The following SOX5 variants were observed in gnomAD, a reference collection of about 807,000 sequenced individuals.
SOX5 encodes the protein SRY-box transcription factor 5.
In SOX5, 9 loss-of-function variants were observed where a neutral mutation model predicts 92.0. The ratio of observed to expected loss-of-function variants is 0.10; its 90% CI spans 0.06 to 0.17. SOX5 has a LOEUF of 0.17. Among genes scored for constraint, SOX5 ranks in the 10% least tolerant of loss-of-function variants. The probability of loss-of-function intolerance (pLI) is 1.00; values close to 1 mark genes in which losing one functional copy is unlikely to be tolerated. For synonymous variants in SOX5, 344 were observed against 336.3 expected (o/e 1.02, Z -0.25); for missense variants, 642 against 944.5 (o/e 0.68, Z 4.20).
chr12:24,449,546 C>T (rs1941969140), intron 1 of SOX5, among the ~76,000 whole-genome samples: 1 of 152,180 alleles, frequency 6.6e-6, no homozygotes. Context: ...CTTTGTGTTG[C>T]TTTTGTCTGT....
intron 2 of SOX5, among the ~76,000 whole-genome samples, chr12:23,851,640 T>C (rs147350172): frequency 3.9e-5 from 6 of 152,208 alleles, no homozygotes; most frequent in South Asian, 2.1e-4. Context: ...GTCTGAAACA[T>C]AGCTAATTGT....
intron 13 of SOX5, among the ~76,000 whole-genome samples, chr12:23,538,949 C>A (rs770634957): frequency 1.3e-5 from 2 of 151,428 alleles, no homozygotes; most frequent in African/African-American, 4.9e-5. Flanking sequence ...TACAGGCGCC[C>A]GCCACCACGC....
In SOX5 at chr12:24,054,151, C is replaced by T. The variant is rs183428456; in HGVS notation, c.-1-158127G>A. On this transcript the variant is annotated intron_variant, in intron 4 of 4. Coordinates refer to the SOX5 transcript ENST00000446891. ...TAGGGAATTTGTTCTTCTAGAGCAG[C>T]GGATATCAAACTTCTTTAAAGCTGT... is the stretch of plus-strand genomic sequence containing the variant. 1.9e-4 allele frequency among the ~76,000 whole-genome samples: 29 copies of T among 152,272 alleles called. No homozygotes were observed. The East Asian group carries it at 4.4e-3, about 23-fold the overall frequency.
At chr12:23,686,495 T>C (rs747731224) in intron 6 of SOX5, among the ~76,000 whole-genome samples, 48 of 152,212 alleles carry the variant, frequency 3.2e-4, no homozygotes, top group African/African-American at 1.1e-3. Flanking sequence ...GCAATGCCAA[T>C]TGGCGACTCT....
At chr12:24,208,436 CCT>C (rs1162333762) in intron 4 of SOX5, among the ~76,000 whole-genome samples, 1 of 152,240 alleles carries the variant, frequency 6.6e-6, no homozygotes, top group Admixed American at 6.5e-5. Context: ...TTTTGTATCC[CCT>C]GTGTTGCATC....
At chr12:24,445,363 CA>C (rs200931698) in intron 1 of SOX5, among the ~76,000 whole-genome samples, 1 of 151,364 alleles carries the variant, frequency 6.6e-6, no homozygotes, top group African/African-American at 2.4e-5. Flanking sequence ...TGAAAGAGAG[CA>C]AAAAAAGGAG....
chr12:23,703,301 A>G (rs2090924958), intron 6 of SOX5, among the ~76,000 whole-genome samples: 1 of 152,050 alleles, frequency 6.6e-6, no homozygotes, highest in African/African-American at 2.4e-5. Flanking sequence ...TATGTGGAAG[A>G]TAACATTGTA....
intron 3 of SOX5, 124 bp downstream of exon 3, chr12:23,845,859 A>G: frequency 6.7e-6 from 5 of 748,364 alleles, no homozygotes; most frequent in Non-Finnish European, 1.1e-5. Context: ...TCTTCATAGC[A>G]ATAGGTTTCC....
intron 3 of SOX5, among the ~76,000 whole-genome samples, chr12:24,218,457 G>C (rs1959575935): frequency 6.6e-6 from 1 of 152,112 alleles, no homozygotes; most frequent in Non-Finnish European, 1.5e-5. Context: ...CAGATCAACG[G>C]CTACCTAGAG....
At chr12:24,120,207 T>A (rs1387382532) in intron 4 of SOX5, among the ~76,000 whole-genome samples, 1 of 152,206 alleles carries the variant, frequency 6.6e-6, no homozygotes, top group East Asian at 1.9e-4. Context: ...GAGTCACAGA[T>A]ATACATTCAT....
Position 24,409,223 on chromosome 12 carries a change from G to A in SOX5, c.-250-40584C>T, listed in dbSNP as rs541349894. Among the ~76,000 whole-genome samples, 1,020 of 152,248 alleles carry A rather than the reference G, an allele frequency of 6.7e-3. 5 individuals carry two copies. The highest frequency in any genetic ancestry group is 9.5e-3 in the Non-Finnish European group (645 of 68,030). On this transcript the variant is annotated intron_variant, in intron 1 of 4. Coordinates refer to the SOX5 transcript ENST00000446891. Reference sequence around the variant, plus strand: ...CATCATCCTTAGCAAACTAACACAGGAACAGAAAACCAAACACCACCCACC... The same window carrying A: ...CATCATCCTTAGCAAACTAACACAGAAACAGAAAACCAAACACCACCCACC...
chr12:23,921,851 A>C (rs1051051774), intron 1 of SOX5, among the ~76,000 whole-genome samples: 2 of 152,236 alleles, frequency 1.3e-5, no homozygotes, highest in Non-Finnish European at 2.9e-5. Flanking sequence ...AGCCACTAGC[A>C]GAATCCAAAC....
At chr12:24,522,463 A>G (rs1287414790) in intron 1 of SOX5, among the ~76,000 whole-genome samples, 1 of 152,222 alleles carries the variant, frequency 6.6e-6, no homozygotes, top group East Asian at 1.9e-4. Context: ...AGATATCACA[A>G]CACCACAAGA....
At chr12:23,684,238 T>A (rs1593259533) in intron 6 of SOX5, among the ~76,000 whole-genome samples, 1 of 152,180 alleles carries the variant, frequency 6.6e-6, no homozygotes, top group Non-Finnish European at 1.5e-5. Context: ...CCAAACCTAA[T>A]GACGGTTCCT....
chr12:24,053,377 G>A (rs1474333329), intron 4 of SOX5, among the ~76,000 whole-genome samples: 2 of 152,004 alleles, frequency 1.3e-5, no homozygotes, highest in East Asian at 1.9e-4. Flanking sequence ...TGATCTGCCC[G>A]CCTCGGGCTC....
intron 4 of SOX5, among the ~76,000 whole-genome samples, chr12:24,006,841 T>C (rs949319756): frequency 6.6e-6 from 1 of 152,014 alleles, no homozygotes; most frequent in Non-Finnish European, 1.5e-5. Context: ...TTGGCATTAA[T>C]ATCTTAACTG....
chr12:23,575,794 G>T lies in SOX5; in HGVS notation c.1209C>A (p.Thr403=). 4 of 1,606,988 alleles carry T rather than the reference G, an allele frequency of 2.5e-6. No individual in the cohort carries two copies. Among genetic ancestry groups the T allele is most frequent in the Non-Finnish European group, 3.4e-6 (4 of 1,176,740 alleles). The change falls in exon 10 of 15, where the codon ACC becomes ACA. Residue 403 remains threonine, a synonymous_variant. Transcript: ENST00000451604. Reference sequence around the variant, plus strand: ...GTGATGTGGGTGATTTGCCATCAGAGGTCTTGGGTTTAGCTGATAGGTTCA... The same window carrying T: ...GTGATGTGGGTGATTTGCCATCAGATGTCTTGGGTTTAGCTGATAGGTTCA... ...QPLNLSAKPK[T]SDGKSPTSPT...
At chr12:23,559,193 G>A (rs1310733301) in intron 11 of SOX5, among the ~76,000 whole-genome samples, 1 of 152,096 alleles carries the variant, frequency 6.6e-6, no homozygotes, top group Non-Finnish European at 1.5e-5. Flanking sequence ...TTGACTCTAT[G>A]AACAAAGTTG....
chr12:23,745,086 T>C (rs1432146100), intron 4 of SOX5, among the ~76,000 whole-genome samples: 1 of 152,166 alleles, frequency 6.6e-6, no homozygotes, highest in African/African-American at 2.4e-5. Flanking sequence ...GTTCATATTC[T>C]GAGGTTCTAG....
Sources: gnomAD v4.1 joint callset for allele counts (sites outside exome capture counted in the v4.1 genomes callset) on GRCh38, gnomAD v4.1.1 for gene constraint, MANE v1.5 for transcripts, NCBI Gene and HGNC (gene_info 2026-07-23, HGNC 2026-07-21) for gene names.